The following DNAH11 variants were observed in gnomAD, a reference collection of about 807,000 sequenced individuals.
The protein encoded by DNAH11 is axonemal beta dynein heavy chain 11.
DNAH11 carries 442 observed loss-of-function variants against 526.0 expected under a neutral mutation model. The ratio of observed to expected loss-of-function variants is 0.84; its 90% CI spans 0.78 to 0.91. The LOEUF is 0.91. DNAH11 is among the 40% of genes least tolerant of loss of function. The pLI is 0.00. For synonymous variants in DNAH11, 2,461 were observed against 1,935.9 expected (o/e 1.27, Z -7.12); for missense variants, 6,989 against 5,448.7 (o/e 1.28, Z -8.90).
chr7:21,545,341 A>C (rs1271735382), intron 2 of DNAH11, among the ~76,000 whole-genome samples, 192 bp downstream of exon 2: 1 of 148,058 alleles, frequency 6.8e-6, no homozygotes, highest in Non-Finnish European at 1.5e-5. Flanking sequence ...TGGAGTCATA[A>C]CATCTAGACT....
chr7:21,878,784 G>A (rs1204905201), intron 74 of DNAH11, among the ~76,000 whole-genome samples: 1 of 152,104 alleles, frequency 6.6e-6, no homozygotes, highest in Non-Finnish European at 1.5e-5. Context: ...TCTGGTCTTG[G>A]TTTAGTATCA....
chr7:21,878,906 A>G (rs1361998887), intron 74 of DNAH11, among the ~76,000 whole-genome samples: 1 of 152,190 alleles, frequency 6.6e-6, no homozygotes, highest in Non-Finnish European at 1.5e-5. Context: ...TAGTTTGCCC[A>G]TTTTAAAGGA....
intron 55 of DNAH11, among the ~76,000 whole-genome samples, chr7:21,769,044 A>G (rs1467371748): frequency 6.6e-6 from 1 of 151,348 alleles, no homozygotes; most frequent in Non-Finnish European, 1.5e-5. Flanking sequence ...AATAAAAAGT[A>G]GAAAGATAAC....
intron 6 of DNAH11, among the ~76,000 whole-genome samples, chr7:21,567,962 C>T (rs1783740496): frequency 6.6e-6 from 1 of 152,106 alleles, no homozygotes. Context: ...TTGTCTATTC[C>T]ATGGCTTGGT....
At chr7:21,720,018 T>C (rs1454468986) in intron 43 of DNAH11, among the ~76,000 whole-genome samples, 1 of 152,354 alleles carries the variant, frequency 6.6e-6, no homozygotes, top group Non-Finnish European at 1.5e-5. Flanking sequence ...GCCCTAAGCA[T>C]GGGCTAGGTA....
intron 2 of DNAH11, among the ~76,000 whole-genome samples, chr7:21,552,759 A>T (rs1010483122): frequency 6.6e-6 from 1 of 152,210 alleles, no homozygotes; most frequent in African/African-American, 2.4e-5. Flanking sequence ...CTATTTAAAG[A>T]CAAAGAGGTC....
chr7:21,701,457 T>G (rs960421291), intron 36 of DNAH11, among the ~76,000 whole-genome samples: 8 of 152,130 alleles, frequency 5.3e-5, no homozygotes, highest in African/African-American at 1.9e-4. Flanking sequence ...GCCCAGCTAA[T>G]TTTTGTATTT....
intron 79 of DNAH11, among the ~76,000 whole-genome samples, chr7:21,895,864 G>A (rs1286557112): frequency 6.6e-6 from 1 of 152,124 alleles, no homozygotes; most frequent in Non-Finnish European, 1.5e-5. Flanking sequence ...CGAGTAGCTG[G>A]GACTACAGGC....
chr7:21,606,327 GA>G (rs373160486), intron 18 of DNAH11, 98 bp from the exon 19 acceptor site: 40,052 of 756,060 alleles, frequency 0.053, no homozygotes, highest in East Asian at 0.071. Flanking sequence ...TGTCTCAAGA[GA>G]AAAAAAAAAA....
At chr7:21,596,072 G>A (rs1784849639) in intron 14 of DNAH11, among the ~76,000 whole-genome samples, 1 of 152,162 alleles carries the variant, frequency 6.6e-6, no homozygotes, top group South Asian at 2.1e-4. Flanking sequence ...AATTAACATG[G>A]GTTTCAGTGT....
At position 21,591,403 on chromosome 7, in the gene DNAH11, G is replaced by C; in HGVS notation, c.2493G>C (p.Gln831His). Residue 831 changes from glutamine (Q) to histidine (H), a missense_variant, in exon 14 of 82, where the codon CAG becomes CAC. Physicochemically the swap from Gln to His is conservative, Grantham distance 24. Transcript: ENST00000409508. ...SELEHRVERT[Q>H]KNVKVIQQTM... ...TGGAGCACAGAGTTGAGCGCACACA[G>C]AAAAACGTGAAGGTGATCCAGCAGA... 6.2e-7 allele frequency: 1 copy of C among 1,613,956 alleles called. No homozygotes were observed. The highest frequency in any genetic ancestry group is 8.5e-7 in the Non-Finnish European group (1 of 1,179,884).
In DNAH11 at chr7:21,748,864, G is replaced by C. The variant is rs571363812; in HGVS notation, c.8673+122G>C. On this transcript the variant is annotated intron_variant, in intron 52 of 81. Transcript: ENST00000409508. ...GGCCAAGGCCTCCCCAACCACGGGA[G>C]AGCGGGAGCTCTTTAAAGCAGTAAT... 5 of 982,670 alleles carry C rather than the reference G, an allele frequency of 5.1e-6. No homozygotes were observed. In the South Asian group the frequency reaches 1.3e-4, roughly 25 times the overall value. The allele number at this position is 982,670 out of a possible 1,614,324, so 60.9% of individuals were successfully genotyped here. A position where few individuals can be genotyped will look rare whatever the true frequency, so the allele number is the denominator to read the frequency against.
chr7:21,889,958 T>C lies in DNAH11; in HGVS notation c.12508-2467T>C, dbSNP rs184828109. Among the ~76,000 whole-genome samples, 394 of 152,322 alleles carry C rather than the reference T, an allele frequency of 2.6e-3. 1 individual carries two copies. Among genetic ancestry groups the C allele is most frequent in the African/African-American group, 8.9e-3 (370 of 41,582 alleles). On this transcript the variant is annotated intron_variant, in intron 76 of 81. Transcript: ENST00000409508. ...TAAAGTAAAAGGGAACACAAGTCTA[T>C]GTATGGAGGACATTTCTCAGGTTTT... is the stretch of plus-strand genomic sequence containing the variant.
intron 40 of DNAH11, among the ~76,000 whole-genome samples, chr7:21,708,038 G>T (rs1303068929): frequency 6.6e-6 from 1 of 152,166 alleles, no homozygotes; most frequent in African/African-American, 2.4e-5. Context: ...CAGCAGATTT[G>T]TACTCAGAGC....
intron 54 of DNAH11, among the ~76,000 whole-genome samples, chr7:21,757,374 G>A (rs1382828422): frequency 6.6e-6 from 1 of 151,962 alleles, no homozygotes; most frequent in African/African-American, 2.4e-5. Context: ...TATTTTTTTA[G>A]GAAAAGGTGT....
intron 27 of DNAH11, 140 bp downstream of exon 27, chr7:21,637,842 G>T: frequency 2.0e-6 from 1 of 497,338 alleles, no homozygotes; most frequent in Non-Finnish European, 3.5e-6. Flanking sequence ...TAATTATCTA[G>T]TTGTCTCGTA....
intron 8 of DNAH11, among the ~76,000 whole-genome samples, chr7:21,574,406 A>C (rs913611317): frequency 9.2e-5 from 14 of 152,050 alleles, no homozygotes; most frequent in Non-Finnish European, 7.4e-5. Context: ...CTTAATTTTC[A>C]CTATAACCCA....
intron 22 of DNAH11, among the ~76,000 whole-genome samples, chr7:21,617,018 C>T (rs913992160): frequency 2.0e-5 from 3 of 152,162 alleles, no homozygotes; most frequent in African/African-American, 7.2e-5. Context: ...TAAAATGTCC[C>T]TTCATTCTTT....
intron 80 of DNAH11, 132 bp from the exon 81 acceptor site, chr7:21,899,848 C>A: frequency 1.8e-6 from 2 of 1,109,294 alleles, no homozygotes; most frequent in Non-Finnish European, 2.5e-6. Flanking sequence ...CCTGCTCCAG[C>A]GCAGCCATGT....
Sources: gnomAD v4.1 joint callset for allele counts (sites outside exome capture counted in the v4.1 genomes callset) on GRCh38, gnomAD v4.1.1 for gene constraint, MANE v1.5 for transcripts, NCBI Gene and HGNC (gene_info 2026-07-23, HGNC 2026-07-21) for gene names.